The following ZNF26 variants were observed in gnomAD, a reference collection of about 807,000 sequenced individuals.
The protein encoded by ZNF26 is zinc finger protein 26, also known as epididymis luminal protein 179.
In ZNF26, 32 loss-of-function variants were observed where a neutral mutation model predicts 54.9. The observed-to-expected ratio is 0.58, with a 90% CI of 0.44 to 0.78. The LOEUF (loss-of-function observed/expected upper bound fraction) is 0.78, where lower values mean the gene tolerates loss of function less well. Among genes scored for constraint, ZNF26 ranks in the 30% least tolerant of loss-of-function variants. ZNF26 has a pLI of 0.00. For synonymous variants in ZNF26, 221 were observed against 209.2 expected, an observed-to-expected ratio of 1.06 and a Z score of -0.49; for missense variants, 524 against 634.0, an observed-to-expected ratio of 0.83 and a Z score of 1.86.
At chr12:133,007,371 G>A (rs1262586921) in intron 2 of ZNF26, 66 bp from the exon 3 acceptor site, 6 of 1,431,126 alleles carry the variant, frequency 4.2e-6, no homozygotes, top group Non-Finnish European at 5.8e-6. Context: ...TTGCTCTGTA[G>A]CTCTTGATTC....
chr12:132,996,894 TTTG>T (rs1953097248), intron 1 of ZNF26, among the ~76,000 whole-genome samples: 2 of 98,406 alleles, frequency 2.0e-5, no homozygotes, highest in Admixed American at 1.9e-4. Flanking sequence ...CTCATGGTTT[TTTG>T]TTTTGTTTTG....
chr12:133,002,403 G>A (rs776949417), intron 1 of ZNF26, among the ~76,000 whole-genome samples: 23 of 151,998 alleles, frequency 1.5e-4, no homozygotes, highest in African/African-American at 4.1e-4. Flanking sequence ...GGTCTCCCCG[G>A]TATCTCCTCT....
rs1953675607 is a variant in ZNF26 at position 133,024,236 on chromosome 12, C to T, written c.*12755C>T. 1 of 152,172 alleles carries T rather than the reference C, an allele frequency of 6.6e-6. No homozygotes were observed. Among genetic ancestry groups the T allele is most frequent in the East Asian group, 1.9e-4 (1 of 5,194 alleles). The allele number at this position is 152,172 out of a possible 1,614,324, so 9.4% of individuals were successfully genotyped here. Reference sequence around the variant, plus strand: ...GCCCTTGAGTAAAATATCAGTAAAACCCAGTGGGCTTTGGGGATGGTATTA... The same window carrying T: ...GCCCTTGAGTAAAATATCAGTAAAATCCAGTGGGCTTTGGGGATGGTATTA... On this transcript the variant is annotated 3_prime_UTR_variant, in exon 4 of 4. Transcript: ENST00000328654.
rs1953662879 is a variant in ZNF26 at position 133,023,073 on chromosome 12, G to C, written c.*11592G>C. ...GTGAAAGATTCAAGAGCATTCGTGA[G>C]AATGTACTTGTAACTAGTATTTGAT... On this transcript the variant is annotated 3_prime_UTR_variant, in exon 4 of 4. Transcript: ENST00000328654. 2 of 152,202 alleles carry C rather than the reference G, an allele frequency of 1.3e-5. No individual in the cohort carries two copies. The allele number at this position is 152,202 out of a possible 1,614,324, so 9.4% of individuals were successfully genotyped here.
intron 1 of ZNF26, chr12:133,006,303 GC>G: frequency 1.0e-6 from 1 of 985,416 alleles, no homozygotes; most frequent in Non-Finnish European, 1.2e-6. Context: ...CCTGTTCTCA[GC>G]TGAACCTCGT....
chr12:133,008,210 A>G (rs1953376969), intron 3 of ZNF26, among the ~76,000 whole-genome samples: 1 of 152,000 alleles, frequency 6.6e-6, no homozygotes, highest in South Asian at 2.1e-4. Context: ...CCCAGACTTT[A>G]CTCTCAGTAT....
chr12:132,998,021 A>G (rs1486598177), intron 1 of ZNF26, among the ~76,000 whole-genome samples: 6 of 152,216 alleles, frequency 3.9e-5, no homozygotes, highest in African/African-American at 1.4e-4. Flanking sequence ...TACTTCTACC[A>G]AGAATAAATC....
chr12:132,996,122 A>G (rs1459025610), intron 1 of ZNF26, among the ~76,000 whole-genome samples: 2 of 152,048 alleles, frequency 1.3e-5, no homozygotes, highest in African/African-American at 4.8e-5. Flanking sequence ...CTCTACTGGT[A>G]CTTTGTTTCT....
intron 1 of ZNF26, chr12:133,004,680 T>G (rs1005676864): frequency 1.3e-5 from 2 of 152,216 alleles, no homozygotes; most frequent in Non-Finnish European, 2.9e-5. Flanking sequence ...AGATGAGGTC[T>G]AACTATGTGA....
chr12:133,000,188 T>A (rs1474174365), intron 1 of ZNF26, among the ~76,000 whole-genome samples: 2 of 152,120 alleles, frequency 1.3e-5, no homozygotes, highest in African/African-American at 4.8e-5. Flanking sequence ...AAATTTTCTT[T>A]TGATCATGCT....
At position 133,012,604 on chromosome 12, in the gene ZNF26, T is replaced by TTTTC. The variant is rs1555286357; in HGVS notation, c.*1126_*1127insCTTT. 1,227 of 137,790 alleles carry TTTTC rather than the reference T, an allele frequency of 8.9e-3. 54 individuals carry two copies. Among genetic ancestry groups the TTTTC allele is most frequent in the African/African-American group, 0.032 (1,146 of 35,552 alleles). The allele number at this position is 137,790 out of a possible 1,614,324, so 8.5% of individuals were successfully genotyped here. A position where few individuals can be genotyped will look rare whatever the true frequency, so the allele number is the denominator to read the frequency against. ...TTTTTTTTTTTTTTTTTTTTTTTTT[T>TTTTC]TTTTTGAGACTAAGTTTCACTCTTG... On this transcript the variant is annotated 3_prime_UTR_variant, in exon 4 of 4. Transcript: ENST00000328654.
In ZNF26 at chr12:133,001,822, C is replaced by T. The variant is rs1953225400; in HGVS notation, c.34-5220C>T. The T allele has an allele frequency of 1.1e-5, 7 of 632,402 alleles. No homozygotes were observed. The highest frequency in any genetic ancestry group is 9.4e-5 in the South Asian group (6 of 63,602). The allele number at this position is 632,402 out of a possible 1,614,324, so 39.2% of individuals were successfully genotyped here. ...TTTGAGAGTCCCGCGGCAGTCTTTGCCTTCAGAATTTTTCAGAGGAAAGCA... is the reference window on the plus strand; with the variant it reads ...TTTGAGAGTCCCGCGGCAGTCTTTGTCTTCAGAATTTTTCAGAGGAAAGCA... On this transcript the variant is annotated intron_variant, in intron 1 of 3. Transcript: ENST00000328654. This position sits in a 1 kb window ranked among gnomAD's most constrained non-coding sequence, Gnocchi z 4.7.
In ZNF26 at chr12:133,001,147, T is replaced by G. The variant is rs1411805615; in HGVS notation, c.34-5895T>G. 6.6e-6 allele frequency among the ~76,000 whole-genome samples: 1 copy of G among 152,194 alleles called. No homozygotes were observed. Among genetic ancestry groups the G allele is most frequent in the Non-Finnish European group, 1.5e-5 (1 of 68,040 alleles). On this transcript the variant is annotated intron_variant, in intron 1 of 3. Transcript: ENST00000328654. This position sits in a 1 kb window ranked among gnomAD's most constrained non-coding sequence, Gnocchi z 4.7. The stretch of plus-strand genomic sequence containing the variant: ...CCTCAACGTAATAAGGGCACAGTAG[T>G]GGCTTCATTTTTCTCATCACAGCCT...
At chr12:133,010,100 G>T in intron 3 of ZNF26, 36 bp from the exon 4 acceptor site, 1 of 1,556,236 alleles carries the variant, frequency 6.4e-7, no homozygotes, top group South Asian at 1.3e-5. Flanking sequence ...TTTATGTTAT[G>T]ATTCAAAAAG....
intron 1 of ZNF26, among the ~76,000 whole-genome samples, chr12:133,002,234 C>T (rs1056202469): frequency 6.6e-6 from 1 of 152,132 alleles, no homozygotes; most frequent in African/African-American, 2.4e-5. Flanking sequence ...TCCTGGCCCC[C>T]CTTCTGTCTC....
At position 132,987,791 on chromosome 12, in the gene ZNF26, G is replaced by C. The variant is rs1293986533; in HGVS notation, c.33+918G>C. On this transcript the variant is annotated intron_variant, in intron 1 of 3. Coordinates refer to ENST00000328654, the MANE Select transcript of ZNF26 (RefSeq NM_019591.4). ...GAGGTGAGGACTCAGGTTAATGAAAGGAAAGGACACACGGTGGAGAAAGGC... is the reference window on the plus strand; with the variant it reads ...GAGGTGAGGACTCAGGTTAATGAAACGAAAGGACACACGGTGGAGAAAGGC... 5 of 930,036 alleles carry C rather than the reference G, an allele frequency of 5.4e-6. No homozygotes were observed. The African/African-American group carries it at 7.1e-5, about 13-fold the overall frequency. The allele number at this position is 930,036 out of a possible 1,614,324, so 57.6% of individuals were successfully genotyped here. A position where few individuals can be genotyped will look rare whatever the true frequency, so the allele number is the denominator to read the frequency against.
At chr12:132,990,839 A>G (rs974512225) in intron 1 of ZNF26, among the ~76,000 whole-genome samples, 1 of 152,034 alleles carries the variant, frequency 6.6e-6, no homozygotes, top group Non-Finnish European at 1.5e-5. Flanking sequence ...TGTACATAGT[A>G]TGATGTTCCT....
In ZNF26 at chr12:133,015,709, A is replaced by C. The variant is rs1953557620; in HGVS notation, c.*4228A>C. 6.6e-6 allele frequency: 1 copy of C among 152,268 alleles called. No individual in the cohort carries two copies. The allele number at this position is 152,268 out of a possible 1,614,324, so 9.4% of individuals were successfully genotyped here. A position where few individuals can be genotyped will look rare whatever the true frequency, so the allele number is the denominator to read the frequency against. ...AGAAGACAAATGTCAATGTTGCTGA[A>C]AAGCCAAAAGAAGCCAAGAGGACAG... is the stretch of plus-strand genomic sequence containing the variant. On this transcript the variant is annotated 3_prime_UTR_variant, in exon 4 of 4. Transcript: ENST00000328654.
At position 133,017,868 on chromosome 12, in the gene ZNF26, G is replaced by C. The variant is rs893624866; in HGVS notation, c.*6387G>C. On this transcript the variant is annotated 3_prime_UTR_variant, in exon 4 of 4. Coordinates refer to ENST00000328654, the MANE Select transcript of ZNF26 (RefSeq NM_019591.4). Reference sequence around the variant, plus strand: ...ATTAAAAACACAAAAAATTAGCGGGGCGTGGTGGCGGGCGCCTGTAGTCCC... The same window carrying C: ...ATTAAAAACACAAAAAATTAGCGGGCCGTGGTGGCGGGCGCCTGTAGTCCC... 2.0e-5 allele frequency: 3 copies of C among 152,180 alleles called. No homozygotes were observed. Among genetic ancestry groups the C allele is most frequent in the African/African-American group, 4.8e-5 (2 of 41,428 alleles). 9.4% of individuals were successfully genotyped at this position (152,180 alleles called of 1,614,324 possible). A position where few individuals can be genotyped will look rare whatever the true frequency, so the allele number is the denominator to read the frequency against.
Sources: gnomAD v4.1 joint callset for allele counts (sites outside exome capture counted in the v4.1 genomes callset) on GRCh38, gnomAD v4.1.1 for gene constraint, Gnocchi (gnomAD v3.1) non-coding constraint, MANE v1.5 for transcripts, NCBI Gene and HGNC (gene_info 2026-07-23, HGNC 2026-07-21) for gene names.